SLC4A10: variants seen among roughly 807,000 people sequenced by gnomAD.
The protein encoded by SLC4A10 is sodium-driven chloride bicarbonate exchanger.
Under a neutral mutation model 137.7 loss-of-function variants are expected in SLC4A10, and 42 were observed. That is an observed-to-expected ratio of 0.30 (90% confidence interval 0.24 to 0.39). The LOEUF (loss-of-function observed/expected upper bound fraction) is 0.39, where lower values mean the gene tolerates loss of function less well. SLC4A10 is among the 10% of genes least tolerant of loss of function. The pLI, the probability that SLC4A10 is intolerant of heterozygous loss-of-function variation, is 1.00. For synonymous variants in SLC4A10, 474 were observed against 464.1 expected (o/e 1.02, Z -0.27); for missense variants, 925 against 1,355.0 (o/e 0.68, Z 4.98).
chr2:161,799,252 A>C (rs989213882), intron 2 of SLC4A10, among the ~76,000 whole-genome samples: 1 of 151,802 alleles, frequency 6.6e-6, no homozygotes, highest in Non-Finnish European at 1.5e-5. Context: ...TATTCTTTAT[A>C]TGTTCTTGAA....
At chr2:161,915,016 C>A (rs1686793201) in intron 15 of SLC4A10, among the ~76,000 whole-genome samples, 1 of 152,042 alleles carries the variant, frequency 6.6e-6, no homozygotes, top group African/African-American at 2.4e-5. Context: ...TGAATAATAT[C>A]TTTTTTACCA....
intron 1 of SLC4A10, among the ~76,000 whole-genome samples, chr2:161,631,590 T>A (rs1344374250): frequency 3.3e-5 from 5 of 151,684 alleles, no homozygotes; most frequent in Non-Finnish European, 7.4e-5. Flanking sequence ...AGAGAATATA[T>A]GGTGCATTTT....
At position 161,905,843 on chromosome 2, in the gene SLC4A10, T is replaced by C. The variant is rs1273355429; in HGVS notation, c.1953T>C (p.Tyr651=). 3 of 1,613,892 alleles carry C rather than the reference T, an allele frequency of 1.9e-6. No individual in the cohort carries two copies. In the East Asian group the frequency reaches 6.7e-5, roughly 36 times the overall value. Residue 651 remains tyrosine (Y), a synonymous_variant, in exon 15 of 27, where the codon TAT becomes TAC. Coordinates refer to ENST00000446997, the MANE Select transcript of SLC4A10 (RefSeq NM_001178015.2). ...LEKLFELSEA[Y]PINMHNDLEL... ...AGTTGTTTGAACTCAGTGAAGCATATCCAATCAACATGCATAATGATCTGG... is the reference window on the plus strand; with the variant it reads ...AGTTGTTTGAACTCAGTGAAGCATACCCAATCAACATGCATAATGATCTGG...
chr2:161,855,134 T>A lies in SLC4A10; in HGVS notation c.577+4T>A. ...AACACTTTAGAAGAAATTGCAGGTA[T>A]ATCTTTTCCCCCTTAGTGTATTTTA... On this transcript the variant is annotated splice_donor_region_variant and intron_variant, in intron 5 of 26. Transcript: ENST00000446997. 6.2e-7 allele frequency: 1 copy of A among 1,605,378 alleles called. No homozygotes were observed. Among genetic ancestry groups the A allele is most frequent in the African/African-American group, 1.3e-5 (1 of 74,720 alleles).
intron 3 of SLC4A10, among the ~76,000 whole-genome samples, chr2:161,822,775 G>T (rs528665207): frequency 1.3e-4 from 20 of 152,282 alleles, no homozygotes; most frequent in African/African-American, 4.8e-4. Flanking sequence ...AGGAGTTGGA[G>T]ACCATCATGG....
At chr2:161,979,144 C>A (rs1479807955) in intron 26 of SLC4A10, among the ~76,000 whole-genome samples, 1 of 152,114 alleles carries the variant, frequency 6.6e-6, no homozygotes, top group Non-Finnish European at 1.5e-5. Context: ...TGAAACAAAC[C>A]TGTAAAAAAT....
At chr2:161,730,811 C>G (rs1333735050) in intron 1 of SLC4A10, among the ~76,000 whole-genome samples, 3 of 152,164 alleles carry the variant, frequency 2.0e-5, no homozygotes, top group Non-Finnish European at 4.4e-5. Flanking sequence ...CATAGATTAT[C>G]CATTACACTA....
rs566619702 is a variant in SLC4A10 at position 161,662,226 on chromosome 2, AT to A, written c.48+37661del. Among the ~76,000 whole-genome samples, 273 of 152,282 alleles carry A rather than the reference AT, an allele frequency of 1.8e-3. 1 individual carries two copies. The highest frequency in any genetic ancestry group is 6.2e-3 in the African/African-American group (259 of 41,564). On this transcript the variant is annotated intron_variant, in intron 1 of 26. Coordinates refer to ENST00000446997, the MANE Select transcript of SLC4A10 (RefSeq NM_001178015.2). ...GCTTATTTTTTCTACGGTAAAAAAA[AT>A]ATTGCTTAAGTATTCATTTTTTTAA...
intron 1 of SLC4A10, among the ~76,000 whole-genome samples, chr2:161,651,607 G>A (rs1331811757): frequency 6.6e-6 from 1 of 152,082 alleles, no homozygotes; most frequent in Non-Finnish European, 1.5e-5. Context: ...TAAGCTTCTG[G>A]GCGCCACCAC....
intron 1 of SLC4A10, among the ~76,000 whole-genome samples, chr2:161,701,996 G>C (rs547751915): frequency 6.6e-6 from 1 of 151,998 alleles, no homozygotes; most frequent in East Asian, 1.9e-4. Context: ...ATAGTGTGTG[G>C]AAGTTCCTCA....
At chr2:161,977,677 A>T in intron 25 of SLC4A10, 45 bp from the exon 26 acceptor site, 1 of 1,551,198 alleles carries the variant, frequency 6.4e-7, no homozygotes, top group Non-Finnish European at 8.8e-7. Flanking sequence ...GTAACCTTAA[A>T]TTAACTTTTT....
At chr2:161,694,469 T>G (rs1292385416) in intron 1 of SLC4A10, among the ~76,000 whole-genome samples, 1 of 79,448 alleles carries the variant, frequency 1.3e-5, no homozygotes, top group African/African-American at 3.7e-5. Context: ...TACAGCAGAT[T>G]GTTAAAAAAA....
At chr2:161,872,406 C>A in intron 7 of SLC4A10, 22 bp downstream of exon 7, 1 of 1,586,016 alleles carries the variant, frequency 6.3e-7, no homozygotes, top group South Asian at 1.1e-5. Context: ...TCCCTCTCAT[C>A]TAAGTAAGTT....
At chr2:161,917,212 T>C (rs1260508188) in intron 15 of SLC4A10, among the ~76,000 whole-genome samples, 5 of 152,230 alleles carry the variant, frequency 3.3e-5, no homozygotes, top group African/African-American at 1.2e-4. Context: ...TTCCTTTTTC[T>C]TGCCAGGTAG....
chr2:161,859,203 A>G (rs900321170), intron 5 of SLC4A10, among the ~76,000 whole-genome samples: 2 of 152,194 alleles, frequency 1.3e-5, no homozygotes, highest in African/African-American at 4.8e-5. Flanking sequence ...ATACATTATG[A>G]TAAAATAGTT....
intron 15 of SLC4A10, among the ~76,000 whole-genome samples, chr2:161,906,929 G>A (rs186886163): frequency 2.0e-3 from 303 of 151,912 alleles, no homozygotes; most frequent in African/African-American, 7.0e-3. Flanking sequence ...GGTGGCGGGC[G>A]CCTGTAGTCC....
intron 3 of SLC4A10, among the ~76,000 whole-genome samples, chr2:161,834,660 T>TACGC (rs2058647534): frequency 1.4e-5 from 2 of 140,932 alleles, no homozygotes. Context: ...CTTTATCGCC[T>TACGC]ACACACACAC....
In SLC4A10 at chr2:161,873,900, T is replaced by C. The variant is rs1185501049; in HGVS notation, c.859-16T>C. 1.3e-6 allele frequency: 2 copies of C among 1,587,468 alleles called. No homozygotes were observed. The highest frequency in any genetic ancestry group is 2.3e-5 in the South Asian group (2 of 88,718). ...AGCATGGTGTACCAGCTTAAGTCTG[T>C]TAATTATGCGTGCAGGGACTGGGAG... On this transcript the variant is annotated splice_polypyrimidine_tract_variant and intron_variant, in intron 7 of 26. Transcript: ENST00000446997.
chr2:161,852,331 A>G lies in SLC4A10; in HGVS notation c.417-2639A>G, dbSNP rs549609702. ...TCAAAATAACACCAGCATACATGCT[A>G]TTATATAGTCTCCCTTCCTTTTGCT... On this transcript the variant is annotated intron_variant, in intron 4 of 26. Coordinates refer to ENST00000446997, the MANE Select transcript of SLC4A10 (RefSeq NM_001178015.2). Among the ~76,000 whole-genome samples, 7 of 152,352 alleles carry G rather than the reference A, an allele frequency of 4.6e-5. No individual in the cohort carries two copies. In the South Asian group the frequency reaches 1.4e-3, roughly 32 times the overall value.
Sources: allele counts gnomAD v4.1 joint callset (sites outside exome capture counted in the v4.1 genomes callset), GRCh38; gene constraint gnomAD v4.1.1; transcripts MANE v1.5; gene names NCBI Gene and HGNC (gene_info 2026-07-23, HGNC 2026-07-21).